STK32B: variants seen among roughly 807,000 people sequenced by gnomAD.
STK32B encodes the protein serine/threonine kinase 32B, also known as serine/threonine-protein kinase 32B.
Under a neutral mutation model 52.6 loss-of-function variants are expected in STK32B, and 43 were observed. The observed-to-expected ratio is 0.82, with a 90% CI of 0.64 to 1.05. The LOEUF is 1.05. Among genes scored for constraint, STK32B ranks in the 50% least tolerant of loss-of-function variants. STK32B has a pLI of 0.00. For synonymous variants in STK32B, 238 were observed against 204.3 expected, an observed-to-expected ratio of 1.17 and a Z score of -1.41; for missense variants, 621 against 534.6, an observed-to-expected ratio of 1.16 and a Z score of -1.59.
intron 3 of STK32B, among the ~76,000 whole-genome samples, chr4:5,291,751 C>T (rs554496391): frequency 6.6e-6 from 1 of 152,132 alleles, no homozygotes; most frequent in Non-Finnish European, 1.5e-5. Flanking sequence ...AGCATTCAGT[C>T]TTTCTCTATT....
intron 2 of STK32B, among the ~76,000 whole-genome samples, chr4:5,153,337 C>A (rs1340870553): frequency 2.6e-5 from 4 of 152,112 alleles, no homozygotes; most frequent in African/African-American, 9.7e-5. Context: ...TGCAACCCTC[C>A]CTTTTGTCTT....
At chr4:5,040,368 G>C in the STK32B span, among the ~76,000 whole-genome samples, 37 of 149,902 alleles carry the variant, frequency 2.5e-4, no homozygotes, top group Admixed American at 1.9e-3. Context: ...CAGTGCACAT[G>C]ATGAGGCAGT....
intron 4 of STK32B, among the ~76,000 whole-genome samples, chr4:5,346,846 G>T (rs532613497): frequency 1.4e-4 from 22 of 152,162 alleles, no homozygotes; most frequent in African/African-American, 4.8e-4. Flanking sequence ...ATTGACTCAC[G>T]GTTCTTCATG....
chr4:5,226,649 G>A (rs1723893369), intron 3 of STK32B, among the ~76,000 whole-genome samples: 1 of 152,148 alleles, frequency 6.6e-6, no homozygotes, highest in Non-Finnish European at 1.5e-5. Context: ...TTTCCAAGTA[G>A]CCCTTACTTA....
intron 1 of STK32B, among the ~76,000 whole-genome samples, chr4:5,115,342 A>T (rs1371487621): frequency 5.3e-5 from 8 of 152,208 alleles, no homozygotes; most frequent in Non-Finnish European, 1.2e-4. Flanking sequence ...CTGCCCTGAA[A>T]AAAAAGTCAG....
chr4:5,326,973 A>T (rs1008042833), intron 3 of STK32B, among the ~76,000 whole-genome samples: 4 of 152,160 alleles, frequency 2.6e-5, no homozygotes, highest in African/African-American at 9.7e-5. Flanking sequence ...CTTATGTAAT[A>T]TTCTAAACCT....
In STK32B at chr4:5,316,612, TTA is replaced by T. The variant is rs1560310930; in HGVS notation, c.261-14602_261-14601del. ...ATATATATTACATATATAATATATA[TTA>T]TATATTATATATATAATATATAATA... On this transcript the variant is annotated intron_variant, in intron 3 of 11. Transcript: ENST00000282908. Among the ~76,000 whole-genome samples the T allele has an allele frequency of 3.1e-3, 26 of 8,302 alleles. 1 individual carries two copies. Among genetic ancestry groups the T allele is most frequent in the Admixed American group, 4.7e-3 (2 of 428 alleles). The allele number at this position is 8,302 out of a possible 152,430, so 5.4% of individuals were successfully genotyped here. A position where few individuals can be genotyped will look rare whatever the true frequency, so the allele number is the denominator to read the frequency against.
chr4:5,105,939 G>C (rs969120123), intron 1 of STK32B, among the ~76,000 whole-genome samples: 11 of 152,064 alleles, frequency 7.2e-5, no homozygotes, highest in African/African-American at 2.7e-4. Context: ...ACATTGTGAA[G>C]ATATCACAAA....
At position 5,456,835 on chromosome 4, in the gene STK32B, C is replaced by T. The variant is rs767083865; in HGVS notation, c.695C>T (p.Pro232Leu). ...CCGTACGAAATCCACTCGGTCACGC[C>T]CATCGATGAAATCCTCAACATGTTC... ...WRPYEIHSVT[P>L]IDEILNMFKV... Residue 232 changes from proline to leucine, a missense_variant, in exon 8 of 12, where the codon CCC (proline) becomes CTC (leucine). Transcript: ENST00000282908. 1 of 1,595,496 alleles carries T rather than the reference C, an allele frequency of 6.3e-7. No homozygotes were observed. Among genetic ancestry groups the T allele is most frequent in the African/African-American group, 1.3e-5 (1 of 74,646 alleles).
intron 3 of STK32B, among the ~76,000 whole-genome samples, chr4:5,321,661 A>G (rs1000121049): frequency 7.9e-5 from 12 of 152,214 alleles, no homozygotes; most frequent in Non-Finnish European, 1.0e-4. Flanking sequence ...ATATAGATTG[A>G]AATAAATAAA....
At chr4:5,414,876 A>G (rs1367276834) in intron 5 of STK32B, among the ~76,000 whole-genome samples, 1 of 152,228 alleles carries the variant, frequency 6.6e-6, no homozygotes. Flanking sequence ...CATCACTTTC[A>G]TAATGAAAAT....
In STK32B at chr4:5,460,479, C is replaced by G. The variant is rs993248252; in HGVS notation, c.909+251C>G. The stretch of plus-strand genomic sequence containing the variant: ...TTCTCTCTGTCACTGAATCCCACCT[C>G]CAGGTGCTCAGGTCCAGGTGTGGGG... On this transcript the variant is annotated intron_variant, in intron 9 of 11. Transcript: ENST00000282908. This position sits in a 1 kb window ranked among gnomAD's most constrained non-coding sequence, Gnocchi z 4.8. 1.3e-5 allele frequency among the ~76,000 whole-genome samples: 2 copies of G among 152,226 alleles called. No homozygotes were observed. The highest frequency in any genetic ancestry group is 1.5e-5 in the Non-Finnish European group (1 of 68,040).
At chr4:5,260,109 A>G (rs2108843564) in intron 3 of STK32B, among the ~76,000 whole-genome samples, 1 of 152,308 alleles carries the variant, frequency 6.6e-6, no homozygotes, top group South Asian at 2.1e-4. Flanking sequence ...GTGCACGCAC[A>G]CACACACGGA....
intron 4 of STK32B, among the ~76,000 whole-genome samples, chr4:5,332,321 G>A (rs937495399): frequency 1.3e-5 from 2 of 152,140 alleles, no homozygotes; most frequent in East Asian, 1.9e-4. Flanking sequence ...CTTAGGAAAC[G>A]GGAAACTGAA....
chr4:5,137,398 C>T (rs6828159), intron 1 of STK32B, among the ~76,000 whole-genome samples: 1 of 152,166 alleles, frequency 6.6e-6, no homozygotes, highest in African/African-American at 2.4e-5. Flanking sequence ...GGTGCCATTC[C>T]TTTTCCAGTT....
At chr4:5,285,751 T>C (rs1005906406) in intron 3 of STK32B, among the ~76,000 whole-genome samples, 6 of 152,258 alleles carry the variant, frequency 3.9e-5, no homozygotes, top group South Asian at 4.2e-4. Context: ...TAGCACACAA[T>C]TTAGAAATTC....
Position 5,176,066 on chromosome 4 carries a change from G to C in STK32B, c.260+7616G>C, listed in dbSNP as rs1036393919. On this transcript the variant is annotated intron_variant, in intron 3 of 11. Transcript: ENST00000282908. ...GATCTCAGACTGCTGTGCTAGCAATGAGCGAGGCTTTGTGGGTGTAGGACC... is the reference window on the plus strand; with the variant it reads ...GATCTCAGACTGCTGTGCTAGCAATCAGCGAGGCTTTGTGGGTGTAGGACC... Among the ~76,000 whole-genome samples the C allele has an allele frequency of 2.0e-5, 3 of 152,378 alleles. No individual in the cohort carries two copies. In the East Asian group the frequency reaches 5.8e-4, roughly 29 times the overall value.
chr4:5,471,360 G>A (rs191604002), intron 11 of STK32B, among the ~76,000 whole-genome samples: 3 of 152,202 alleles, frequency 2.0e-5, no homozygotes, highest in Admixed American at 6.5e-5. Context: ...CAAGAGAAGA[G>A]GTGCAGGCAT....
intron 4 of STK32B, among the ~76,000 whole-genome samples, chr4:5,350,019 T>C (rs1028329769): frequency 7.9e-5 from 12 of 152,188 alleles, no homozygotes; most frequent in African/African-American, 2.9e-4. Flanking sequence ...AAATTTTCAG[T>C]GTCCCAGAAG....
Sources: gnomAD v4.1 joint callset for allele counts (sites outside exome capture counted in the v4.1 genomes callset) on GRCh38, gnomAD v4.1.1 for gene constraint, Gnocchi (gnomAD v3.1) non-coding constraint, MANE v1.5 for transcripts, NCBI Gene and HGNC (gene_info 2026-07-23, HGNC 2026-07-21) for gene names.